MTMR14: variants seen among roughly 807,000 people sequenced by gnomAD.
MTMR14 encodes myotubularin related protein 14, also known as phosphatidylinositol-3,5-bisphosphate 3-phosphatase MTMR14.
Under a neutral mutation model 86.3 loss-of-function variants are expected in MTMR14, and 48 were observed. That is an observed-to-expected ratio of 0.56 (90% CI 0.44 to 0.71). MTMR14 has a LOEUF of 0.71. Among genes scored for constraint, MTMR14 ranks in the 30% least tolerant of loss-of-function variants. The probability of loss-of-function intolerance (pLI) is 0.00; values close to 1 mark genes in which losing one functional copy is unlikely to be tolerated. For missense variants in MTMR14, 780 were observed against 834.6 expected, an observed-to-expected ratio of 0.93 and a Z score of 0.81; for synonymous variants, 366 against 326.1, an observed-to-expected ratio of 1.12 and a Z score of -1.32.
chr3:9,685,704 C>T (rs939530489), intron 13 of MTMR14, among the ~76,000 whole-genome samples: 1 of 149,726 alleles, frequency 6.7e-6, no homozygotes, highest in Non-Finnish European at 1.5e-5. Context: ...CTGATGGTTG[C>T]CTCCAGGTCC....
chr3:9,689,957 A>C lies in MTMR14; in HGVS notation c.1434-7A>C. On this transcript the variant is annotated splice_polypyrimidine_tract_variant and splice_region_variant and intron_variant, in intron 16 of 18. Coordinates refer to ENST00000296003, the MANE Select transcript of MTMR14 (RefSeq NM_001077525.3). ...CCCGGCTCACAGCCCTGCTCCTTCCACTGCAGGAGGAAGAGCCACTCATCC... is the reference window on the plus strand; with the variant it reads ...CCCGGCTCACAGCCCTGCTCCTTCCCCTGCAGGAGGAAGAGCCACTCATCC... The C allele has an allele frequency of 6.2e-7, 1 of 1,607,852 alleles. No homozygotes were observed. Among genetic ancestry groups the C allele is most frequent in the Non-Finnish European group, 8.5e-7 (1 of 1,178,126 alleles).
At chr3:9,655,080 A>C (rs1253899172) in intron 2 of MTMR14, among the ~76,000 whole-genome samples, 2 of 152,116 alleles carry the variant, frequency 1.3e-5, no homozygotes, top group African/African-American at 4.8e-5. Flanking sequence ...AGCACTTACT[A>C]AGATTATGGA....
At chr3:9,678,473 C>T (rs2075655809) in intron 9 of MTMR14, among the ~76,000 whole-genome samples, 3 of 152,212 alleles carry the variant, frequency 2.0e-5, no homozygotes, top group Admixed American at 6.5e-5. Context: ...TGCTCTTCTC[C>T]GTCATTGCAC....
rs371108912 is a variant in MTMR14, at chr3:9,653,644, T to C, written c.183T>C (p.Cys61=). The change falls in exon 2 of 19, where the codon TGT becomes TGC. Residue 61 remains cysteine (C), a synonymous_variant. Coordinates refer to ENST00000296003, the MANE Select transcript of MTMR14 (RefSeq NM_001077525.3). ...GSKVERIEKR[C]LELFGRDYCF... is the part of the protein sequence containing the mutation. ...AGGTTGAGCGCATTGAGAAGAGATG[T>C]CTGGAGCTGTTTGGCCGAGACTACT... 72 of 1,614,030 alleles carry C rather than the reference T, an allele frequency of 4.5e-5. No individual in the cohort carries two copies. Among genetic ancestry groups the C allele is most frequent in the Non-Finnish European group, 5.8e-5 (68 of 1,180,042 alleles).
chr3:9,669,412 CAGAT>C lies in MTMR14; in HGVS notation c.494-17_494-14del, dbSNP rs763157556. 6.8e-6 allele frequency: 11 copies of C among 1,613,350 alleles called. No homozygotes were observed. Among genetic ancestry groups the C allele is most frequent in the Non-Finnish European group, 9.3e-6 (11 of 1,179,674 alleles). The stretch of plus-strand genomic sequence containing the variant: ...CCTGGGTCACCAGCCTCAGTACTGA[CAGAT>C]AGGTTTCTCTGGCAGGGGGTGCAGA... On this transcript the variant is annotated splice_polypyrimidine_tract_variant and intron_variant, in intron 4 of 18. Coordinates refer to ENST00000296003, the MANE Select transcript of MTMR14 (RefSeq NM_001077525.3).
At chr3:9,665,438 A>G (rs996704577) in intron 3 of MTMR14, among the ~76,000 whole-genome samples, 2 of 152,200 alleles carry the variant, frequency 1.3e-5, no homozygotes, top group African/African-American at 4.8e-5. Flanking sequence ...CATGGTCATA[A>G]AGGTGGAAAC....
intron 9 of MTMR14, among the ~76,000 whole-genome samples, chr3:9,681,672 C>CT (rs1553679743): frequency 1.3e-5 from 2 of 152,122 alleles, no homozygotes; most frequent in Non-Finnish European, 2.9e-5. Flanking sequence ...AGGCACGAGC[C>CT]TTGTTTGTTT....
At position 9,668,714 on chromosome 3, in the gene MTMR14, C is replaced by T. The variant is rs534059510; in HGVS notation, c.418-5C>T. On this transcript the variant is annotated splice_region_variant and splice_polypyrimidine_tract_variant and intron_variant, in intron 3 of 18. Coordinates refer to ENST00000296003, the MANE Select transcript of MTMR14 (RefSeq NM_001077525.3). ...CTGACCGTGAAAATGATGTTTCTCT[C>T]CCAGCACATTTGCAGGTCGGCCACA... is the stretch of plus-strand genomic sequence containing the variant. The T allele has an allele frequency of 8.9e-5, 144 of 1,614,062 alleles. No homozygotes were observed. Among genetic ancestry groups the T allele is most frequent in the Non-Finnish European group, 1.2e-4 (137 of 1,179,946 alleles).
intron 10 of MTMR14, 196 bp downstream of exon 10, chr3:9,683,440 C>G (rs181465969): frequency 9.9e-6 from 6 of 603,256 alleles, no homozygotes; most frequent in African/African-American, 7.4e-5. Flanking sequence ...TCCTCAAAAT[C>G]CTAGAAAACA....
chr3:9,649,889 T>G, intron 1 of MTMR14, 147 bp downstream of exon 1: 2 of 1,518,840 alleles, frequency 1.3e-6, no homozygotes, highest in Non-Finnish European at 1.8e-6. Flanking sequence ...CCAGGGTCTG[T>G]ATCCGGAGTA....
chr3:9,650,529 C>G (rs1270442964), intron 1 of MTMR14: 2 of 359,910 alleles, frequency 5.6e-6, no homozygotes, highest in Admixed American at 6.9e-5. Flanking sequence ...CAGAGATTAC[C>G]GTGAGTTGCT....
intron 1 of MTMR14, chr3:9,650,292 G>A (rs574728010): frequency 4.4e-6 from 2 of 456,530 alleles, no homozygotes; most frequent in Non-Finnish European, 8.8e-6. Context: ...GCAGGTCTCC[G>A]TTCCTCTTTT....
At chr3:9,662,045 G>A (rs1029821470) in intron 2 of MTMR14, among the ~76,000 whole-genome samples, 7 of 151,812 alleles carry the variant, frequency 4.6e-5, no homozygotes, top group African/African-American at 7.3e-5. Context: ...CCAAGATTGC[G>A]CCACTGCACT....
intron 6 of MTMR14, among the ~76,000 whole-genome samples, chr3:9,671,819 A>T (rs2048580838): frequency 6.6e-6 from 1 of 152,148 alleles, no homozygotes; most frequent in Non-Finnish European, 1.5e-5. Flanking sequence ...CTTTTTCCAA[A>T]ATTTTGTTTT....
At chr3:9,690,725 G>A (rs1022037563) in intron 17 of MTMR14, among the ~76,000 whole-genome samples, 1 of 152,224 alleles carries the variant, frequency 6.6e-6, no homozygotes, top group Non-Finnish European at 1.5e-5. Context: ...ATTGAGGGCT[G>A]GTCTGGCACT....
rs1169163817 is a variant in MTMR14, at chr3:9,683,044, T to C, written c.898-134T>C. 4 of 711,592 alleles carry C rather than the reference T, an allele frequency of 5.6e-6. No homozygotes were observed. The East Asian group carries it at 1.2e-4, about 22-fold the overall frequency. The allele number at this position is 711,592 out of a possible 1,614,324, so 44.1% of individuals were successfully genotyped here. A position where few individuals can be genotyped will look rare whatever the true frequency, so the allele number is the denominator to read the frequency against. On this transcript the variant is annotated intron_variant, in intron 9 of 18. Transcript: ENST00000296003. ...TACGAATGTCCCAGATTATCTGGGA[T>C]TCAAAACCTATGGTCTGTAACCAAG...
rs1187302997 is a variant in MTMR14, at chr3:9,687,897, T to G, written c.1235+6T>G. On this transcript the variant is annotated splice_donor_region_variant and intron_variant, in intron 14 of 18. Coordinates refer to ENST00000296003, the MANE Select transcript of MTMR14 (RefSeq NM_001077525.3). The stretch of plus-strand genomic sequence containing the variant: ...TCTGCTCTGAAGACCCAGAGGTAAG[T>G]GGAGGCCTGCACGTGTCATGCTGGG... 1 of 1,584,996 alleles carries G rather than the reference T, an allele frequency of 6.3e-7. No individual in the cohort carries two copies. Among genetic ancestry groups the G allele is most frequent in the South Asian group, 1.1e-5 (1 of 87,606 alleles).
At chr3:9,668,836 A>G in intron 4 of MTMR14, 42 bp downstream of exon 4, 1 of 1,602,828 alleles carries the variant, frequency 6.2e-7, no homozygotes, top group Non-Finnish European at 8.5e-7. Flanking sequence ...ATGAGAACCC[A>G]GTCATAGAGA....
chr3:9,657,856 C>G (rs182323529), intron 2 of MTMR14, among the ~76,000 whole-genome samples: 51 of 152,276 alleles, frequency 3.3e-4, no homozygotes, highest in African/African-American at 1.1e-3. Flanking sequence ...GCCCTCACCA[C>G]TCTTTTATAG....
Sources: gnomAD v4.1 joint callset for allele counts (sites outside exome capture counted in the v4.1 genomes callset) on GRCh38, gnomAD v4.1.1 for gene constraint, MANE v1.5 for transcripts, NCBI Gene and HGNC (gene_info 2026-07-23, HGNC 2026-07-21) for gene names.